The following EFNA5 variants were observed in gnomAD, a reference collection of about 807,000 sequenced individuals.
EFNA5 encodes the protein ephrin-A5.
Under a neutral mutation model 22.9 loss-of-function variants are expected in EFNA5, and 5 were observed. That is an observed-to-expected ratio of 0.22 (90% confidence interval 0.11 to 0.46). The LOEUF (loss-of-function observed/expected upper bound fraction) is 0.46, where lower values mean the gene tolerates loss of function less well. EFNA5 is among the 20% of genes least tolerant of loss of function. The pLI, the probability that EFNA5 is intolerant of heterozygous loss-of-function variation, is 0.99. For synonymous variants in EFNA5, 113 were observed against 112.2 expected (o/e 1.01, Z -0.04); for missense variants, 237 against 293.3 (o/e 0.81, Z 1.40).
At chr5:107,607,357 G>A (rs1749744727) in intron 1 of EFNA5, among the ~76,000 whole-genome samples, 1 of 152,162 alleles carries the variant, frequency 6.6e-6, no homozygotes, top group African/African-American at 2.4e-5. Context: ...TGCTAGAGAG[G>A]GCACTGCACA....
chr5:107,486,997 C>T (rs1464594674), intron 1 of EFNA5, among the ~76,000 whole-genome samples: 1 of 152,226 alleles, frequency 6.6e-6, no homozygotes, highest in African/African-American at 2.4e-5. Flanking sequence ...CTAAGACCTA[C>T]ATCTGTTCAC....
chr5:107,566,090 C>G (rs1235934937), intron 1 of EFNA5, among the ~76,000 whole-genome samples: 1 of 152,160 alleles, frequency 6.6e-6, no homozygotes, highest in Non-Finnish European at 1.5e-5. Flanking sequence ...GGAAGAAGAT[C>G]ATTTAAAAAA....
At chr5:107,493,239 A>G (rs1580491902) in intron 1 of EFNA5, among the ~76,000 whole-genome samples, 1 of 151,758 alleles carries the variant, frequency 6.6e-6, no homozygotes, top group South Asian at 2.1e-4. Context: ...TTACAACCAA[A>G]TATTTTCTAC....
chr5:107,401,953 T>C (rs181379912), intron 2 of EFNA5, among the ~76,000 whole-genome samples: 3 of 152,336 alleles, frequency 2.0e-5, no homozygotes, highest in Admixed American at 2.0e-4. Context: ...TATTAAAGAC[T>C]CTACTTAGCT....
chr5:107,596,953 A>G (rs1749486210), intron 1 of EFNA5, among the ~76,000 whole-genome samples: 1 of 152,156 alleles, frequency 6.6e-6, no homozygotes, highest in Non-Finnish European at 1.5e-5. Flanking sequence ...CCCAGGACCC[A>G]AGATCCAACA....
rs1580411599 is a variant in EFNA5, at chr5:107,380,919, G to C, written c.*336C>G. The stretch of plus-strand genomic sequence containing the variant: ...CCGCTGACACAGTGCGCTAACGGAG[G>C]TGAGTTCTTAGAGGAGAATGCACAG... On this transcript the variant is annotated 3_prime_UTR_variant, in exon 5 of 5. Transcript: ENST00000333274. 2.3e-6 allele frequency: 1 copy of C among 438,232 alleles called. No homozygotes were observed. Among genetic ancestry groups the C allele is most frequent in the Non-Finnish European group, 4.0e-6 (1 of 247,560 alleles). 27.1% of individuals were successfully genotyped at this position (438,232 alleles called of 1,614,324 possible). A position where few individuals can be genotyped will look rare whatever the true frequency, so the allele number is the denominator to read the frequency against.
intron 1 of EFNA5, among the ~76,000 whole-genome samples, chr5:107,654,836 A>G (rs1443931003): frequency 1.3e-5 from 2 of 152,280 alleles, no homozygotes; most frequent in South Asian, 2.1e-4. Context: ...AGCCTGTTCA[A>G]CTGTCTAAAT....
intron 1 of EFNA5, among the ~76,000 whole-genome samples, chr5:107,603,135 A>G (rs1260570317): frequency 6.6e-6 from 1 of 152,224 alleles, no homozygotes; most frequent in African/African-American, 2.4e-5. Flanking sequence ...GAGAGCAGTT[A>G]TAACTGTTTC....
At chr5:107,530,103 A>C (rs1747778175) in intron 1 of EFNA5, among the ~76,000 whole-genome samples, 1 of 152,226 alleles carries the variant, frequency 6.6e-6, no homozygotes, top group Non-Finnish European at 1.5e-5. Context: ...ATTATGAAGC[A>C]GTAACGACCA....
intron 2 of EFNA5, among the ~76,000 whole-genome samples, chr5:107,404,770 A>G (rs1238440024): frequency 6.6e-6 from 1 of 152,142 alleles, no homozygotes; most frequent in Non-Finnish European, 1.5e-5. Context: ...TTGTTTCATA[A>G]TTTCCCAGAA....
intron 1 of EFNA5, among the ~76,000 whole-genome samples, chr5:107,512,379 C>G (rs1431799238): frequency 2.0e-5 from 3 of 151,832 alleles, no homozygotes; most frequent in Non-Finnish European, 2.9e-5. Context: ...ACAACAACAA[C>G]AACAACAACA....
intron 1 of EFNA5, among the ~76,000 whole-genome samples, chr5:107,633,978 C>T (rs1418068797): frequency 6.6e-6 from 1 of 152,026 alleles, no homozygotes; most frequent in African/African-American, 2.4e-5. Context: ...CAATTCCATA[C>T]AAAAAGATTT....
chr5:107,471,880 C>G (rs1002073146), intron 1 of EFNA5, among the ~76,000 whole-genome samples: 4 of 152,186 alleles, frequency 2.6e-5, no homozygotes, highest in African/African-American at 9.7e-5. Flanking sequence ...AGTGATATTA[C>G]ATATGTAGTA....
chr5:107,653,250 TG>T (rs775658156), intron 1 of EFNA5, among the ~76,000 whole-genome samples: 3 of 152,184 alleles, frequency 2.0e-5, no homozygotes, highest in Non-Finnish European at 4.4e-5. Flanking sequence ...AGCAGCTTTG[TG>T]TACCTTAAAC....
chr5:107,593,088 T>C (rs1216716537), intron 1 of EFNA5, among the ~76,000 whole-genome samples: 1 of 152,164 alleles, frequency 6.6e-6, no homozygotes, highest in African/African-American at 2.4e-5. Flanking sequence ...TAGTTAGCAG[T>C]TCTTATGTAA....
chr5:107,594,143 T>G (rs1350420562), intron 1 of EFNA5, among the ~76,000 whole-genome samples: 4 of 152,190 alleles, frequency 2.6e-5, no homozygotes, highest in Non-Finnish European at 5.9e-5. Context: ...CAATACAAAC[T>G]GATTCATCTG....
intron 1 of EFNA5, among the ~76,000 whole-genome samples, chr5:107,627,636 A>T (rs1398528414): frequency 1.7e-5 from 1 of 59,650 alleles, no homozygotes; most frequent in Non-Finnish European, 3.8e-5. Context: ...ACCACATCTC[A>T]AAAAAAAAAA....
chr5:107,430,091 T>C (rs1748908354), intron 1 of EFNA5, among the ~76,000 whole-genome samples: 4 of 152,210 alleles, frequency 2.6e-5, no homozygotes. Context: ...GAAGTATTTA[T>C]ATATTTGCAA....
intron 1 of EFNA5, among the ~76,000 whole-genome samples, chr5:107,561,714 C>A (rs1415947559): frequency 2.0e-5 from 3 of 152,092 alleles, no homozygotes; most frequent in African/African-American, 7.2e-5. Flanking sequence ...TATGAATAAC[C>A]AGGTTTCCCT....
Sources: allele counts gnomAD v4.1 joint callset (sites outside exome capture counted in the v4.1 genomes callset), GRCh38; gene constraint gnomAD v4.1.1; transcripts MANE v1.5; gene names NCBI Gene and HGNC (gene_info 2026-07-23, HGNC 2026-07-21).